Variants in DPP6 observed in about 807,000 individuals in gnomAD.
DPP6 encodes A-type potassium channel modulatory protein DPP6.
DPP6 carries 69 observed loss-of-function variants against 122.6 expected under a neutral mutation model. The ratio of observed to expected loss-of-function variants is 0.56; its 90% CI spans 0.46 to 0.69. The LOEUF (loss-of-function observed/expected upper bound fraction) is 0.69, where lower values mean the gene tolerates loss of function less well. Ranked by LOEUF, DPP6 falls within the 30% of genes least tolerant of loss-of-function variation. The pLI is 0.00. For synonymous variants in DPP6, 418 were observed against 433.1 expected (o/e 0.97, Z 0.43); for missense variants, 928 against 1,116.9 (o/e 0.83, Z 2.41).
chr7:154,741,842 G>A (rs1842833944), intron 8 of DPP6, among the ~76,000 whole-genome samples: 3 of 152,204 alleles, frequency 2.0e-5, no homozygotes. Context: ...CCAGAAAGGT[G>A]AAACCTCACC....
At chr7:153,930,054 T>C (rs1042897621) in intron 1 of DPP6, among the ~76,000 whole-genome samples, 16 of 152,132 alleles carry the variant, frequency 1.1e-4, no homozygotes, top group African/African-American at 3.6e-4. Context: ...TTCTGAAAAG[T>C]TTGGAAAAAC....
chr7:154,619,071 T>C (rs1223330934), intron 5 of DPP6, among the ~76,000 whole-genome samples: 1 of 152,194 alleles, frequency 6.6e-6, no homozygotes, highest in African/African-American at 2.4e-5. Context: ...ATGTAAGATG[T>C]GACTTTGCTC....
At chr7:154,558,448 A>G (rs995913847) in intron 4 of DPP6, among the ~76,000 whole-genome samples, 4 of 152,244 alleles carry the variant, frequency 2.6e-5, no homozygotes, top group African/African-American at 4.8e-5. Context: ...GTAGTTTCTT[A>G]GGATGAGGTT....
chr7:154,748,713 G>T (rs1457856212), intron 8 of DPP6, among the ~76,000 whole-genome samples: 1 of 152,186 alleles, frequency 6.6e-6, no homozygotes, highest in African/African-American at 2.4e-5. Context: ...ACAGTGGAGG[G>T]TGTGAGCAGG....
chr7:154,473,727 G>T (rs1351516751), intron 2 of DPP6, among the ~76,000 whole-genome samples: 2 of 152,236 alleles, frequency 1.3e-5, no homozygotes, highest in Admixed American at 6.5e-5. Flanking sequence ...AGAGGCAAAT[G>T]GTTCTGTCAA....
At chr7:154,221,658 A>C (rs1563333588) in intron 1 of DPP6, among the ~76,000 whole-genome samples, 1 of 152,126 alleles carries the variant, frequency 6.6e-6, no homozygotes, top group African/African-American at 2.4e-5. Flanking sequence ...TGGCTTAACT[A>C]TTGAAAATTT....
At chr7:154,715,679 C>T (rs1327425545) in intron 7 of DPP6, among the ~76,000 whole-genome samples, 2 of 152,126 alleles carry the variant, frequency 1.3e-5, no homozygotes, top group Middle Eastern at 3.2e-3. Context: ...ATTGATGTTC[C>T]CCTGGCTGTC....
chr7:154,056,881 AC>A (rs1800868631), intron 1 of DPP6, among the ~76,000 whole-genome samples: 1 of 152,190 alleles, frequency 6.6e-6, no homozygotes, highest in African/African-American at 2.4e-5. Context: ...TTCTGTTTCA[AC>A]TGTAATTTAA....
chr7:153,983,974 C>T (rs539896447), intron 1 of DPP6, among the ~76,000 whole-genome samples: 4 of 151,794 alleles, frequency 2.6e-5, no homozygotes, highest in South Asian at 2.1e-4. Context: ...AGCTGCAGAT[C>T]GGAGCTGTTC....
intron 1 of DPP6, among the ~76,000 whole-genome samples, chr7:154,127,000 T>C (rs1297956947): frequency 6.6e-6 from 1 of 152,214 alleles, no homozygotes; most frequent in African/African-American, 2.4e-5. Context: ...TTGGGGGATT[T>C]CAAGATGGGA....
rs1326325385 is a variant in DPP6, at chr7:154,063,437, C to G, written c.243+10374C>G. ...CCCCTGGCTGTTGGTACCCCCATCG[C>G]AAGGGGGGGAGGCACCTCCCGCGAG... On this transcript the variant is annotated intron_variant, in intron 1 of 25. Coordinates refer to ENST00000377770, the MANE Select transcript of DPP6 (RefSeq NM_130797.4). Among the ~76,000 whole-genome samples, 3 of 108,926 alleles carry G rather than the reference C, an allele frequency of 2.8e-5. 1 individual carries two copies. The highest frequency in any genetic ancestry group is 3.9e-5 in the Non-Finnish European group (2 of 51,828). 71.5% of individuals were successfully genotyped at this position (108,926 alleles called of 152,430 possible).
At chr7:154,634,664 T>TCCTCTTCCC (rs1244236640) in intron 5 of DPP6, among the ~76,000 whole-genome samples, 1 of 149,716 alleles carries the variant, frequency 6.7e-6, no homozygotes, top group Non-Finnish European at 1.5e-5. Context: ...CTCCTCTTCC[T>TCCTCTTCCC]CCTCTTCCCC....
chr7:154,366,055 T>C (rs1419273681), intron 1 of DPP6, among the ~76,000 whole-genome samples: 1 of 151,408 alleles, frequency 6.6e-6, no homozygotes, highest in Non-Finnish European at 1.5e-5. Context: ...ACAGGTTCCA[T>C]AGACTCCTCT....
chr7:154,344,165 A>G (rs1810187715), intron 1 of DPP6, among the ~76,000 whole-genome samples: 1 of 152,098 alleles, frequency 6.6e-6, no homozygotes, highest in Admixed American at 6.6e-5. Flanking sequence ...TGTTAAGGTT[A>G]TTTCCTTGGG....
At chr7:154,623,609 A>ACG (rs1834854936) in intron 5 of DPP6, among the ~76,000 whole-genome samples, 1 of 150,386 alleles carries the variant, frequency 6.6e-6, no homozygotes, top group Non-Finnish European at 1.5e-5. Context: ...GCTGACACAC[A>ACG]CGCACGTACA....
At chr7:154,619,367 T>C (rs1834485639) in intron 5 of DPP6, among the ~76,000 whole-genome samples, 1 of 152,226 alleles carries the variant, frequency 6.6e-6, no homozygotes, top group Non-Finnish European at 1.5e-5. Context: ...ATCATGTTAA[T>C]GGTATCTAGG....
At chr7:154,823,912 G>A (rs138553199) in intron 16 of DPP6, among the ~76,000 whole-genome samples, 28 of 152,290 alleles carry the variant, frequency 1.8e-4, no homozygotes, top group African/African-American at 5.5e-4. Context: ...ATAAAAAACC[G>A]AATGCATGGA....
At chr7:154,029,945 C>T (rs1799146017) in intron 1 of DPP6, among the ~76,000 whole-genome samples, 1 of 152,138 alleles carries the variant, frequency 6.6e-6, no homozygotes, top group South Asian at 2.1e-4. Flanking sequence ...CCTGTAATCC[C>T]AGCACTTTGG....
intron 1 of DPP6, among the ~76,000 whole-genome samples, chr7:154,389,784 G>A (rs1053976191): frequency 2.6e-5 from 4 of 152,150 alleles, no homozygotes; most frequent in East Asian, 1.9e-4. Flanking sequence ...AAACTCACAC[G>A]ATAACTTTCA....
Sources: gnomAD v4.1 joint callset for allele counts (sites outside exome capture counted in the v4.1 genomes callset) on GRCh38, gnomAD v4.1.1 for gene constraint, MANE v1.5 for transcripts, NCBI Gene and HGNC (gene_info 2026-07-23, HGNC 2026-07-21) for gene names.